The following MYT1L variants were observed in gnomAD, a reference collection of about 807,000 sequenced individuals.
The protein encoded by MYT1L is myelin transcription factor 1 like.
MYT1L carries 12 observed loss-of-function variants against 126.7 expected under a neutral mutation model. The ratio of observed to expected loss-of-function variants is 0.09; its 90% CI spans 0.06 to 0.15. MYT1L has a LOEUF of 0.15. Ranked by LOEUF, MYT1L falls within the 10% of genes least tolerant of loss-of-function variation. The probability of loss-of-function intolerance (pLI) is 1.00; values close to 1 mark genes in which losing one functional copy is unlikely to be tolerated. For missense variants in MYT1L, 979 were observed against 1,585.2 expected (o/e 0.62, Z 6.49); for synonymous variants, 541 against 604.2 (o/e 0.90, Z 1.53).
At chr2:2,156,723 T>C (rs1333942255) in intron 3 of MYT1L, among the ~76,000 whole-genome samples, 1 of 152,152 alleles carries the variant, frequency 6.6e-6, no homozygotes, top group Non-Finnish European at 1.5e-5. Flanking sequence ...CAGACTACAC[T>C]ATTGGGGCAA....
intron 2 of MYT1L, among the ~76,000 whole-genome samples, chr2:2,220,649 G>A (rs1347990236): frequency 6.6e-6 from 1 of 152,078 alleles, no homozygotes; most frequent in East Asian, 1.9e-4. Context: ...CCTTTGCAGG[G>A]CCATTTCAAG....
chr2:2,283,342 G>C (rs534003509), intron 2 of MYT1L, among the ~76,000 whole-genome samples: 1 of 152,244 alleles, frequency 6.6e-6, no homozygotes, highest in South Asian at 2.1e-4. Context: ...ATTATGTAAA[G>C]AAAATAGAAG....
chr2:2,144,001 G>A (rs1368252320), intron 3 of MYT1L, among the ~76,000 whole-genome samples: 2 of 151,950 alleles, frequency 1.3e-5, no homozygotes, highest in African/African-American at 4.8e-5. Context: ...GAAAACTATT[G>A]GGTCCTATGC....
At chr2:2,302,923 T>C (rs1343528812) in intron 1 of MYT1L, among the ~76,000 whole-genome samples, 1 of 152,174 alleles carries the variant, frequency 6.6e-6, no homozygotes, top group Non-Finnish European at 1.5e-5. Context: ...TGTTTGATCA[T>C]AATCAACATT....
intron 8 of MYT1L, chr2:1,974,526 C>A (rs1047127693): frequency 6.6e-6 from 1 of 152,166 alleles, no homozygotes; most frequent in Non-Finnish European, 1.5e-5. Flanking sequence ...CTAATAATGA[C>A]GTTTCTGAAG....
At position 2,225,752 on chromosome 2, in the gene MYT1L, A is replaced by G. The variant is rs576971822; in HGVS notation, c.-420-52764T>C. 2.0e-5 allele frequency among the ~76,000 whole-genome samples: 3 copies of G among 152,260 alleles called. No homozygotes were observed. In the East Asian group the frequency reaches 5.8e-4, roughly 30 times the overall value. On this transcript the variant is annotated intron_variant, in intron 2 of 24. Coordinates refer to ENST00000647738, the MANE Select transcript of MYT1L (RefSeq NM_001303052.2). ...TTAATTAGAGTGGGTAGCTAGGTAT[A>G]CAAATGTAAAAAAAAATATCATGGA...
chr2:2,130,350 A>G (rs1004309316), intron 3 of MYT1L, among the ~76,000 whole-genome samples: 2 of 151,958 alleles, frequency 1.3e-5, no homozygotes, highest in African/African-American at 4.8e-5. Flanking sequence ...ACCAATTGCT[A>G]TAACATTGTC....
chr2:2,217,408 C>T (rs1042205305), intron 2 of MYT1L, among the ~76,000 whole-genome samples: 5 of 152,022 alleles, frequency 3.3e-5, no homozygotes, highest in Admixed American at 3.3e-4. Context: ...TCCAGCCAGG[C>T]ACGGTGGCTC....
At chr2:2,143,649 G>A (rs2637549) in intron 3 of MYT1L, among the ~76,000 whole-genome samples, 9,887 of 152,206 alleles carry the variant, frequency 0.065, 951 homozygotes, top group African/African-American at 0.21. Context: ...CCAGGTGTTA[G>A]AGGGGACAGA....
intron 4 of MYT1L, among the ~76,000 whole-genome samples, chr2:2,004,690 CATT>C (rs1454970687): frequency 2.5e-5 from 3 of 122,120 alleles, no homozygotes; most frequent in African/African-American, 6.5e-5. Flanking sequence ...TTCCTGCGTG[CATT>C]CTTTCCTGTG....
intron 21 of MYT1L, among the ~76,000 whole-genome samples, chr2:1,833,883 C>T (rs1477044304): frequency 5.3e-5 from 8 of 152,212 alleles, no homozygotes; most frequent in Admixed American, 1.3e-4. Flanking sequence ...GAAAGAGCAG[C>T]GGCTGCGCCA....
intron 4 of MYT1L, among the ~76,000 whole-genome samples, chr2:2,045,244 A>T (rs2068035946): frequency 6.6e-6 from 1 of 152,264 alleles, no homozygotes; most frequent in Non-Finnish European, 1.5e-5. Flanking sequence ...AATGACAAGG[A>T]TATGAGCCTC....
intron 3 of MYT1L, among the ~76,000 whole-genome samples, chr2:2,068,902 T>A (rs2074248979): frequency 6.6e-6 from 1 of 150,388 alleles, no homozygotes; most frequent in Non-Finnish European, 1.5e-5. Context: ...GATAAGAACA[T>A]TTCCCTCTAT....
chr2:2,203,542 C>G (rs1559326925), intron 2 of MYT1L, among the ~76,000 whole-genome samples: 1 of 151,672 alleles, frequency 6.6e-6, no homozygotes, highest in Non-Finnish European at 1.5e-5. Context: ...ACCTAGGAAT[C>G]AAACTTAGAA....
At chr2:2,099,947 G>A (rs2150463752) in intron 3 of MYT1L, among the ~76,000 whole-genome samples, 1 of 152,322 alleles carries the variant, frequency 6.6e-6, no homozygotes, top group Non-Finnish European at 1.5e-5. Flanking sequence ...TTGACAGAGA[G>A]AGCAGAATCT....
intron 5 of MYT1L, among the ~76,000 whole-genome samples, chr2:1,993,543 T>C (rs2061601357): frequency 6.6e-6 from 1 of 152,244 alleles, no homozygotes; most frequent in Non-Finnish European, 1.5e-5. Context: ...TTTGAATGGC[T>C]GCATAGTATT....
At chr2:2,143,153 A>C (rs1428273971) in intron 3 of MYT1L, among the ~76,000 whole-genome samples, 1 of 151,396 alleles carries the variant, frequency 6.6e-6, no homozygotes, top group Non-Finnish European at 1.5e-5. Flanking sequence ...AGCCGGGCGC[A>C]GTGGCAGGCG....
chr2:1,991,190 G>A (rs554429009), intron 5 of MYT1L, among the ~76,000 whole-genome samples: 25 of 152,184 alleles, frequency 1.6e-4, no homozygotes, highest in African/African-American at 5.3e-4. Context: ...ATCTCTGCTC[G>A]CTGCCAGGAA....
chr2:1,842,933 T>G (rs930307661), intron 19 of MYT1L: 4 of 168,892 alleles, frequency 2.4e-5, no homozygotes, highest in Admixed American at 1.3e-4. Flanking sequence ...TTCCAGGCGC[T>G]TCCGCTTCCA....
Sources: gnomAD v4.1 joint callset for allele counts (sites outside exome capture counted in the v4.1 genomes callset) on GRCh38, gnomAD v4.1.1 for gene constraint, MANE v1.5 for transcripts, NCBI Gene and HGNC (gene_info 2026-07-23, HGNC 2026-07-21) for gene names.